The following IPO8 variants were observed in gnomAD, a reference collection of about 807,000 sequenced individuals.
IPO8 encodes importin-8.
Under a neutral mutation model 141.2 loss-of-function variants are expected in IPO8, and 65 were observed. The observed-to-expected ratio is 0.46, with a 90% CI of 0.38 to 0.57. The LOEUF is 0.57. IPO8 is among the 20% of genes least tolerant of loss of function. The probability of loss-of-function intolerance (pLI) is 0.00; values close to 1 mark genes in which losing one functional copy is unlikely to be tolerated. For synonymous variants in IPO8, 411 were observed against 420.3 expected (o/e 0.98, Z 0.27); for missense variants, 980 against 1,246.8 (o/e 0.79, Z 3.22).
chr12:30,644,203 A>T (rs921211501), intron 20 of IPO8, among the ~76,000 whole-genome samples: 5 of 152,032 alleles, frequency 3.3e-5, no homozygotes, highest in African/African-American at 1.2e-4. Flanking sequence ...CCTCATCTTT[A>T]CAAAAAATTT....
At chr12:30,674,607 T>G in intron 7 of IPO8, 52 bp downstream of exon 7, 2 of 1,281,900 alleles carry the variant, frequency 1.6e-6, no homozygotes, top group Non-Finnish European at 2.3e-6. Context: ...TAATCATATC[T>G]GATACTGAGA....
chr12:30,682,275 T>A (rs1249699750), intron 3 of IPO8, among the ~76,000 whole-genome samples: 1 of 152,156 alleles, frequency 6.6e-6, no homozygotes, highest in Non-Finnish European at 1.5e-5. Flanking sequence ...AGCTTCTCTA[T>A]GGGCCAAAAC....
chr12:30,639,404 A>C (rs1591822436), intron 21 of IPO8, 111 bp downstream of exon 21: 1 of 697,726 alleles, frequency 1.4e-6, no homozygotes, highest in East Asian at 2.7e-5. Flanking sequence ...AATACACTAA[A>C]AATAATTCCT....
chr12:30,649,277 G>A lies in IPO8; in HGVS notation c.2173-45C>T, dbSNP rs780296224. 7 of 1,366,394 alleles carry A rather than the reference G, an allele frequency of 5.1e-6. No homozygotes were observed. The Admixed American group carries it at 1.2e-4, about 24-fold the overall frequency. 84.6% of individuals were successfully genotyped at this position (1,366,394 alleles called of 1,614,324 possible). ...GCTCAGCAGTAAGTGGCACTGCATA[G>A]AGGTTAATCAAGTCCACATGCACAA... On this transcript the variant is annotated intron_variant, in intron 19 of 24. Transcript: ENST00000256079.
chr12:30,694,424 T>C (rs80025127), intron 1 of IPO8, among the ~76,000 whole-genome samples: 3,315 of 152,312 alleles, frequency 0.022, 106 homozygotes, highest in African/African-American at 0.075. Flanking sequence ...AAACTCCACC[T>C]AGGTTTCCTA....
At position 30,656,718 on chromosome 12, in the gene IPO8, C is replaced by T; in HGVS notation, c.1914G>A (p.Arg638=). Residue 638 remains arginine, a synonymous_variant, in exon 17 of 25, where the codon CGG becomes CGA. Coordinates refer to ENST00000256079, the MANE Select transcript of IPO8 (RefSeq NM_006390.4). ...GTTTCTGCAGAACAAGATCAATGAT[C>T]CGTAGACAGATATTCTCTAACTGCT... ...ITQQLENICL[R]IIDLVLQKHV... 6.4e-7 allele frequency: 1 copy of T among 1,551,544 alleles called. No homozygotes were observed. The highest frequency in any genetic ancestry group is 1.2e-5 in the South Asian group (1 of 82,200).
At chr12:30,688,739 T>C (rs2053265439) in intron 2 of IPO8, 1 of 156,908 alleles carries the variant, frequency 6.4e-6, no homozygotes, top group Non-Finnish European at 1.4e-5. Flanking sequence ...GGTGAGGATT[T>C]GGGGAACCTA....
intron 15 of IPO8, among the ~76,000 whole-genome samples, 181 bp from the exon 16 acceptor site, chr12:30,661,447 T>C (rs563375568): frequency 2.1e-4 from 32 of 152,192 alleles, no homozygotes; most frequent in Non-Finnish European, 3.8e-4. Context: ...ATGTTTTAAA[T>C]ATAGCTATTT....
chr12:30,659,362 C>A (rs866336326), intron 16 of IPO8, among the ~76,000 whole-genome samples: 24 of 152,144 alleles, frequency 1.6e-4, no homozygotes, highest in South Asian at 8.3e-4. Context: ...TGGTGGCAGG[C>A]AGCTACTCGG....
chr12:30,636,290 C>CA (rs1235690539), intron 22 of IPO8, among the ~76,000 whole-genome samples: 1 of 151,970 alleles, frequency 6.6e-6, no homozygotes, highest in African/African-American at 2.4e-5. Flanking sequence ...TCTCAGCTAA[C>CA]AAAGTATCTG....
intron 17 of IPO8, among the ~76,000 whole-genome samples, chr12:30,656,285 A>G (rs1276964022): frequency 2.0e-5 from 3 of 151,932 alleles, no homozygotes; most frequent in Non-Finnish European, 2.9e-5. Flanking sequence ...CAATTCACCC[A>G]CCTCAGCCTC....
At chr12:30,659,647 C>T (rs565336472) in intron 16 of IPO8, among the ~76,000 whole-genome samples, 4 of 151,398 alleles carry the variant, frequency 2.6e-5, no homozygotes, top group South Asian at 4.2e-4. Flanking sequence ...GTCAGGAGAT[C>T]GAGACCCTCC....
At position 30,687,956 on chromosome 12, in the gene IPO8, C is replaced by A. The variant is rs536508337; in HGVS notation, c.166+2540G>T. On this transcript the variant is annotated intron_variant, in intron 2 of 24. Coordinates refer to ENST00000256079, the MANE Select transcript of IPO8 (RefSeq NM_006390.4). Reference sequence around the variant, plus strand: ...TTAAATGACAGTCCCACATCTGTCACCACTGATGACCTCTTCAGGTCTAAT... The same window carrying A: ...TTAAATGACAGTCCCACATCTGTCAACACTGATGACCTCTTCAGGTCTAAT... Among the ~76,000 whole-genome samples, 5 of 152,228 alleles carry A rather than the reference C, an allele frequency of 3.3e-5. No homozygotes were observed. In the South Asian group the frequency reaches 1.0e-3, roughly 32 times the overall value.
At chr12:30,659,606 C>T (rs2052853871) in intron 16 of IPO8, among the ~76,000 whole-genome samples, 1 of 151,848 alleles carries the variant, frequency 6.6e-6, no homozygotes, top group African/African-American at 2.4e-5. Context: ...AATCCCAGCA[C>T]TTTGGGAGGC....
chr12:30,640,818 C>CAGT (rs2052565244), intron 20 of IPO8, among the ~76,000 whole-genome samples: 1 of 152,086 alleles, frequency 6.6e-6, no homozygotes, highest in South Asian at 2.1e-4. Context: ...CTATAGTTAA[C>CAGT]AGTAATACAT....
chr12:30,671,674 C>CAAAAAAAAA (rs71052423), intron 8 of IPO8, among the ~76,000 whole-genome samples: 2 of 56,470 alleles, frequency 3.5e-5, no homozygotes, highest in African/African-American at 1.5e-4. Context: ...GACTCTGCCT[C>CAAAAAAAAA]AAAAAAAAAA....
chr12:30,637,013 T>G lies in IPO8; in HGVS notation c.2664A>C (p.Ser888=), dbSNP rs766528988. 4 of 1,614,122 alleles carry G rather than the reference T, an allele frequency of 2.5e-6. No homozygotes were observed. The highest frequency in any genetic ancestry group is 3.4e-6 in the Non-Finnish European group (4 of 1,179,960). ...TRQLVNREDR[S]KAEKADMEEN... ...CTTCCATATCAGCTTTCTCTGCTTT[T>G]GAACGATCTTCCCGGTTTACCAGTT... The change falls in exon 22 of 25, where the codon TCA becomes TCC. Residue 888 remains serine, a synonymous_variant. Coordinates refer to ENST00000256079, the MANE Select transcript of IPO8 (RefSeq NM_006390.4).
At chr12:30,685,868 A>G (rs1253276039) in intron 2 of IPO8, among the ~76,000 whole-genome samples, 1 of 149,304 alleles carries the variant, frequency 6.7e-6, no homozygotes, top group South Asian at 2.1e-4. Context: ...ATGCCACAGC[A>G]CTGCAGCCAG....
chr12:30,659,576 G>C (rs372054459), intron 16 of IPO8, among the ~76,000 whole-genome samples: 4 of 152,086 alleles, frequency 2.6e-5, no homozygotes, highest in African/African-American at 9.6e-5. Flanking sequence ...CTACGGCTGG[G>C]CACGGTGGCT....
Sources: gnomAD v4.1 joint callset for allele counts (sites outside exome capture counted in the v4.1 genomes callset) on GRCh38, gnomAD v4.1.1 for gene constraint, MANE v1.5 for transcripts, NCBI Gene and HGNC (gene_info 2026-07-23, HGNC 2026-07-21) for gene names.